The following GCNT4 variants were observed in gnomAD, a reference collection of about 807,000 sequenced individuals.
The protein encoded by GCNT4 is beta-1,3-galactosyl-O-glycosyl-glycoprotein beta-1,6-N-acetylglucosaminyltransferase 4.
GCNT4 carries 17 observed loss-of-function variants against 31.3 expected under a neutral mutation model. That is an observed-to-expected ratio of 0.54 (90% confidence interval 0.37 to 0.81). The LOEUF is 0.81. Among genes scored for constraint, GCNT4 ranks in the 40% least tolerant of loss-of-function variants. GCNT4 has a pLI of 0.00. For synonymous variants in GCNT4, 158 were observed against 190.6 expected (o/e 0.83, Z 1.41); for missense variants, 503 against 525.5 (o/e 0.96, Z 0.42).
intron 3 of GCNT4, among the ~76,000 whole-genome samples, chr5:75,041,740 T>C (rs1035753390): frequency 9.9e-5 from 15 of 152,152 alleles, no homozygotes; most frequent in African/African-American, 3.1e-4. Context: ...GTCACACCAA[T>C]TGGGAAACAG....
chr5:75,029,830 C>A lies in GCNT4; in HGVS notation c.208G>T (p.Glu70Ter), dbSNP rs759378317. The A allele has an allele frequency of 8.1e-6, 13 of 1,614,020 alleles. No individual in the cohort carries two copies. Among genetic ancestry groups the A allele is most frequent in the African/African-American group, 2.7e-5 (2 of 74,934 alleles). Reference sequence around the variant, plus strand: ...TCATAGATACCCGAACAGTTAACTTCATACCTGACTTCATCCTTAACATGA... The same window carrying A: ...TCATAGATACCCGAACAGTTAACTTAATACCTGACTTCATCCTTAACATGA... Reference protein sequence around the residue: ...YTHVKDEVRYEVNCSGIYEQE... With the variant: ...YTHVKDEVRY The change falls in exon 4 of 4, where the codon GAA becomes TAA. Residue 70 changes from glutamate to a stop codon, truncating the protein, a stop_gained. Coordinates refer to ENST00000652361, the MANE Select transcript of GCNT4 (RefSeq NM_001366737.1). LOFTEE classifies it high-confidence loss of function.
Position 75,039,929 on chromosome 5 carries a change from C to T in GCNT4, c.-2+7968G>A, listed in dbSNP as rs550798589. 8.5e-5 allele frequency among the ~76,000 whole-genome samples: 13 copies of T among 152,286 alleles called. No homozygotes were observed. The Middle Eastern group carries it at 0.01, about 120-fold the overall frequency. ...GTCATGTAGAATACAATAAGAAATC[C>T]TTTTCATGTCCATAAAGGCCCAGGC... On this transcript the variant is annotated intron_variant, in intron 3 of 3. Coordinates refer to ENST00000652361, the MANE Select transcript of GCNT4 (RefSeq NM_001366737.1).
In GCNT4 at chr5:75,028,670, T is replaced by C. The variant is rs1561372499; in HGVS notation, c.*6A>G. 5.0e-6 allele frequency: 8 copies of C among 1,601,312 alleles called. No homozygotes were observed. The highest frequency in any genetic ancestry group is 1.1e-5 in the South Asian group (1 of 88,764). On this transcript the variant is annotated 3_prime_UTR_variant, in exon 4 of 4. Coordinates refer to ENST00000652361, the MANE Select transcript of GCNT4 (RefSeq NM_001366737.1). ...GCACCCTCTTATTTCCATCCTGATT[T>C]TACTATCATGATGTGGTAGTGAGAT...
intron 3 of GCNT4, among the ~76,000 whole-genome samples, chr5:75,037,268 G>A (rs940383999): frequency 6.6e-6 from 1 of 152,166 alleles, no homozygotes; most frequent in Non-Finnish European, 1.5e-5. Context: ...AGACCATTAG[G>A]TGGGAGGATG....
Position 75,028,886 on chromosome 5 carries a change from T to A in GCNT4, c.1152A>T (p.Gly384=), listed in dbSNP as rs1743002248. The change falls in exon 4 of 4, where the codon GGA becomes GGT. Residue 384 remains glycine (G), a synonymous_variant. Coordinates refer to ENST00000652361, the MANE Select transcript of GCNT4 (RefSeq NM_001366737.1). ...AAATACACACGCTTCGAAGGTGAGA[T>A]CCAGTACAACTGGGATAGAAAAAGC... ...YEGFFYPSCT[G]SHLRSVCIYG... 1 of 1,613,932 alleles carries A rather than the reference T, an allele frequency of 6.2e-7. No individual in the cohort carries two copies. Among genetic ancestry groups the A allele is most frequent in the Non-Finnish European group, 8.5e-7 (1 of 1,180,010 alleles).
chr5:75,019,444 C>T, the GCNT4 span, among the ~76,000 whole-genome samples: 1 of 152,176 alleles, frequency 6.6e-6, no homozygotes. Context: ...ATTTGTCTGG[C>T]ATATTAATGC....
Position 75,027,351 on chromosome 5 carries a change from TAA to T in GCNT4, c.*1323_*1324del, listed in dbSNP as rs1491152681. Reference sequence around the variant, plus strand: ...TATTCATATACAATATATGTATATATAATATATATATTTATATATTATATATG... The same window carrying T: ...TATTCATATACAATATATGTATATATTATATATATTTATATATTATATATG... On this transcript the variant is annotated 3_prime_UTR_variant, in exon 4 of 4. Transcript: ENST00000652361. The T allele has an allele frequency of 6.6e-5, 1 of 15,050 alleles. No homozygotes were observed. The highest frequency in any genetic ancestry group is 9.2e-5 in the Non-Finnish European group (1 of 10,862). The allele number at this position is 15,050 out of a possible 1,614,324, so 0.9% of individuals were successfully genotyped here. A position where few individuals can be genotyped will look rare whatever the true frequency, so the allele number is the denominator to read the frequency against.
rs1178826232 is a variant in GCNT4, at chr5:75,029,160, G to C, written c.878C>G (p.Pro293Arg). ...GCCAACAAATATCTGAATGTTATGG[G>C]GGGGTGCTTCCTTGGAGATGTTTGT... ...IRTNISKEAP[P>R]HNIQIFVGSA... The change falls in exon 4 of 4, where the codon CCC (proline) becomes CGC (arginine). Residue 293 changes from proline to arginine, a missense_variant. Pro to Arg is a moderately radical substitution (Grantham distance 103). Transcript: ENST00000652361. The C allele has an allele frequency of 6.2e-7, 1 of 1,613,892 alleles. No individual in the cohort carries two copies.
chr5:75,038,408 C>G (rs986180277), intron 3 of GCNT4, among the ~76,000 whole-genome samples: 10 of 152,186 alleles, frequency 6.6e-5, no homozygotes, highest in East Asian at 5.8e-4. Context: ...TCATTTAACC[C>G]CATCTCATTC....
At chr5:75,045,405 C>T (rs1311359711) in intron 3 of GCNT4, among the ~76,000 whole-genome samples, 2 of 152,148 alleles carry the variant, frequency 1.3e-5, no homozygotes, top group Non-Finnish European at 2.9e-5. Context: ...TTTGACTGGC[C>T]TATTTTACTT....
upstream of GCNT4, chr5:75,052,653 A>C (rs1180638929): frequency 1.3e-5 from 2 of 152,018 alleles, no homozygotes; most frequent in Non-Finnish European, 2.9e-5. Context: ...GCCCCCAAAG[A>C]ACAACTCGGA....
intron 3 of GCNT4, among the ~76,000 whole-genome samples, chr5:75,031,311 A>ATCC (rs1743057211): frequency 6.6e-6 from 1 of 152,092 alleles, no homozygotes; most frequent in Admixed American, 6.5e-5. Flanking sequence ...GTCTCAAGTG[A>ATCC]TCCTCCTACT....
intron 3 of GCNT4, among the ~76,000 whole-genome samples, chr5:75,042,872 T>C (rs1282739236): frequency 6.6e-6 from 1 of 152,202 alleles, no homozygotes; most frequent in African/African-American, 2.4e-5. Context: ...TCAGATCTTG[T>C]GTGCATATTA....
At chr5:75,019,476 G>A in the GCNT4 span, among the ~76,000 whole-genome samples, 1 of 152,176 alleles carries the variant, frequency 6.6e-6, no homozygotes, top group African/African-American at 2.4e-5. Flanking sequence ...AGCGCAAAAA[G>A]CACAGGTTGG....
At chr5:75,038,674 G>A (rs747483744) in intron 3 of GCNT4, among the ~76,000 whole-genome samples, 1 of 152,136 alleles carries the variant, frequency 6.6e-6, no homozygotes, top group Non-Finnish European at 1.5e-5. Context: ...AGGTGAATGA[G>A]CTCCCCCAAA....
chr5:75,042,360 A>G (rs1010011081), intron 3 of GCNT4, among the ~76,000 whole-genome samples: 2 of 152,258 alleles, frequency 1.3e-5, no homozygotes, highest in African/African-American at 2.4e-5. Flanking sequence ...TCCACCTAAT[A>G]TCTACATGGT....
At chr5:75,048,451 A>C (rs1214082971) in intron 2 of GCNT4, among the ~76,000 whole-genome samples, 1 of 152,196 alleles carries the variant, frequency 6.6e-6, no homozygotes, top group Non-Finnish European at 1.5e-5. Flanking sequence ...GTTTGACAAG[A>C]GCATCTCTAG....
intron 3 of GCNT4, among the ~76,000 whole-genome samples, chr5:75,036,520 T>C (rs976811259): frequency 6.6e-6 from 1 of 152,230 alleles, no homozygotes; most frequent in African/African-American, 2.4e-5. Context: ...ATTCTCCATA[T>C]TTCCCGCAAC....
intron 3 of GCNT4, among the ~76,000 whole-genome samples, chr5:75,038,424 G>C (rs968669364): frequency 6.6e-6 from 1 of 152,274 alleles, no homozygotes; most frequent in East Asian, 1.9e-4. Context: ...CATTCCTGGG[G>C]TACTGGGAAC....
Sources: allele counts gnomAD v4.1 joint callset (sites outside exome capture counted in the v4.1 genomes callset), GRCh38; gene constraint gnomAD v4.1.1; transcripts MANE v1.5; gene names NCBI Gene and HGNC (gene_info 2026-07-23, HGNC 2026-07-21).